PPP2R2B: variants seen among roughly 807,000 people sequenced by gnomAD.
The protein encoded by PPP2R2B is protein phosphatase 2 regulatory subunit Bbeta.
In PPP2R2B, 5 loss-of-function variants were observed where a neutral mutation model predicts 46.0. The observed-to-expected ratio is 0.11, with a 90% confidence interval of 0.06 to 0.23. The LOEUF (loss-of-function observed/expected upper bound fraction) is 0.23. PPP2R2B is among the 10% of genes least tolerant of loss of function. PPP2R2B has a pLI of 1.00. For missense variants in PPP2R2B, 367 were observed against 575.0 expected (o/e 0.64, Z 3.70); for synonymous variants, 215 against 206.7 (o/e 1.04, Z -0.34).
At chr5:146,684,735 GC>G (rs1462565260) in intron 5 of PPP2R2B, among the ~76,000 whole-genome samples, 1 of 152,134 alleles carries the variant, frequency 6.6e-6, no homozygotes, top group African/African-American at 2.4e-5. Flanking sequence ...TATCTTCTGT[GC>G]TTTTCTCAGG....
chr5:146,771,357 T>G lies in PPP2R2B; in HGVS notation c.71-70215A>C, dbSNP rs1238470946. Among the ~76,000 whole-genome samples the G allele has an allele frequency of 2.0e-5, 3 of 152,198 alleles. No homozygotes were observed. In the East Asian group the frequency reaches 5.8e-4, roughly 29 times the overall value. ...CTCAGCTTCTGATCACTAAACACAA[T>G]AAATCCCTTGCGAACAGGTGCTACT... On this transcript the variant is annotated intron_variant, in intron 2 of 9. Transcript: ENST00000394411.
intron 2 of PPP2R2B, among the ~76,000 whole-genome samples, chr5:146,794,694 T>G (rs1311356212): frequency 6.6e-6 from 1 of 152,216 alleles, no homozygotes; most frequent in East Asian, 1.9e-4. Flanking sequence ...AATGATTTCC[T>G]TCAATACCAA....
At chr5:146,771,843 T>C (rs200323077) in intron 2 of PPP2R2B, among the ~76,000 whole-genome samples, 2 of 152,288 alleles carry the variant, frequency 1.3e-5, no homozygotes, top group East Asian at 3.9e-4. Flanking sequence ...AGATACCCAA[T>C]ATCCTGGCCC....
intron 4 of PPP2R2B, among the ~76,000 whole-genome samples, chr5:146,694,659 A>T (rs1428006737): frequency 6.6e-6 from 1 of 152,084 alleles, no homozygotes; most frequent in African/African-American, 2.4e-5. Context: ...AATATTGCAT[A>T]TATAGATTTT....
intron 1 of PPP2R2B, among the ~76,000 whole-genome samples, chr5:147,037,206 G>A (rs1461423243): frequency 1.3e-5 from 2 of 152,106 alleles, no homozygotes; most frequent in Admixed American, 6.6e-5. Context: ...AGCAACAGGG[G>A]CTGTGGAACC....
chr5:146,656,967 A>C (rs465409), intron 5 of PPP2R2B, among the ~76,000 whole-genome samples: 144,989 of 152,230 alleles, frequency 0.95, 69,245 homozygotes, highest in East Asian at 1. Flanking sequence ...GATCATCTTT[A>C]ACTTCCCAGA....
chr5:146,933,494 A>C (rs1489367231), intron 1 of PPP2R2B, among the ~76,000 whole-genome samples: 1 of 152,062 alleles, frequency 6.6e-6, no homozygotes, highest in Admixed American at 6.6e-5. Context: ...CTTGAGAAAA[A>C]AACAAGAGAA....
intron 1 of PPP2R2B, among the ~76,000 whole-genome samples, chr5:146,912,297 G>A (rs1353349203): frequency 6.7e-6 from 1 of 149,720 alleles, no homozygotes; most frequent in African/African-American, 2.5e-5. Flanking sequence ...CCTAAAGAGA[G>A]TGACCTTATC....
chr5:146,955,898 C>A (rs1286467893), intron 1 of PPP2R2B, among the ~76,000 whole-genome samples: 1 of 151,290 alleles, frequency 6.6e-6, no homozygotes, highest in Non-Finnish European at 1.5e-5. Flanking sequence ...CCTGCCTCAG[C>A]CTCCTGAGTA....
upstream of PPP2R2B, among the ~76,000 whole-genome samples, chr5:146,880,293 C>A (rs1044928564): frequency 1.7e-4 from 25 of 151,354 alleles, no homozygotes; most frequent in African/African-American, 5.8e-4. Context: ...AAGACTTATA[C>A]ACTTGTTTGT....
intron 2 of PPP2R2B, among the ~76,000 whole-genome samples, chr5:146,832,716 T>G (rs1759036680): frequency 6.6e-6 from 1 of 152,134 alleles, no homozygotes; most frequent in Admixed American, 6.6e-5. Context: ...TATCATATTT[T>G]TACTATGCTT....
intron 2 of PPP2R2B, among the ~76,000 whole-genome samples, chr5:147,067,234 G>C (rs562287190): frequency 4.0e-4 from 61 of 152,150 alleles, no homozygotes; most frequent in African/African-American, 1.4e-3. Flanking sequence ...CCTTGTTATT[G>C]ACTACAGTTA....
At chr5:146,969,383 G>A (rs1321323752) in intron 1 of PPP2R2B, among the ~76,000 whole-genome samples, 1 of 152,154 alleles carries the variant, frequency 6.6e-6, no homozygotes, top group Non-Finnish European at 1.5e-5. Context: ...TGAAGGTAAG[G>A]TGGTCACATC....
intron 2 of PPP2R2B, among the ~76,000 whole-genome samples, chr5:146,868,422 G>C (rs1034824327): frequency 2.0e-5 from 3 of 152,182 alleles, no homozygotes; most frequent in African/African-American, 7.2e-5. Context: ...CACCCCTGAG[G>C]TGAACATCAG....
intron 1 of PPP2R2B, among the ~76,000 whole-genome samples, chr5:146,961,041 A>G (rs4705123): frequency 0.52 from 79,057 of 152,056 alleles, 22,260 homozygotes; most frequent in Non-Finnish European, 0.64. Flanking sequence ...TTATGAAAAC[A>G]ATATTATTGT....
intron 2 of PPP2R2B, among the ~76,000 whole-genome samples, chr5:146,701,480 C>T (rs770953658): frequency 3.9e-5 from 6 of 152,206 alleles, no homozygotes; most frequent in Non-Finnish European, 5.9e-5. Flanking sequence ...ACAGACCCTT[C>T]GTGCATCCAC....
In PPP2R2B at chr5:147,032,118, A is replaced by G. The variant is rs1404331699; in HGVS notation, c.79+23547T>C. 2.0e-5 allele frequency among the ~76,000 whole-genome samples: 3 copies of G among 152,218 alleles called. No homozygotes were observed. The East Asian group carries it at 5.8e-4, about 29-fold the overall frequency. ...AGCAGAGTAAACAGACAACCTATAG[A>G]CTGGGAGAAAATCTTCACAATCTAT... is the stretch of plus-strand genomic sequence containing the variant. On this transcript the variant is annotated intron_variant, in intron 1 of 8. Coordinates refer to the PPP2R2B transcript ENST00000336640.
At chr5:147,052,155 T>C (rs1449412666) in intron 1 of PPP2R2B, among the ~76,000 whole-genome samples, 1 of 152,116 alleles carries the variant, frequency 6.6e-6, no homozygotes, top group African/African-American at 2.4e-5. Context: ...TTAAAGAACA[T>C]TATAATAAAA....
chr5:146,840,750 T>C (rs1759586773), intron 2 of PPP2R2B, among the ~76,000 whole-genome samples: 1 of 152,254 alleles, frequency 6.6e-6, no homozygotes, highest in African/African-American at 2.4e-5. Flanking sequence ...ATAGTATATG[T>C]AGCATAGAAA....
Sources: gnomAD v4.1 joint callset for allele counts (sites outside exome capture counted in the v4.1 genomes callset) on GRCh38, gnomAD v4.1.1 for gene constraint, MANE v1.5 for transcripts, NCBI Gene and HGNC (gene_info 2026-07-23, HGNC 2026-07-21) for gene names.